The following SAMMSON variants were observed in gnomAD, a reference collection of about 807,000 sequenced individuals.
SAMMSON encodes the protein long intergenic non-protein coding RNA 1212.
At chr3:70,315,810 C>G (rs1282813260) in intron 7 of SAMMSON, among the ~76,000 whole-genome samples, 2 of 151,910 alleles carry the variant, frequency 1.3e-5, no homozygotes, top group East Asian at 3.9e-4. Context: ...GAGACCCAAC[C>G]AAACGCTCAA....
At chr3:70,218,159 T>C (rs887414337) in intron 4 of SAMMSON, among the ~76,000 whole-genome samples, 4 of 152,294 alleles carry the variant, frequency 2.6e-5, no homozygotes, top group African/African-American at 7.2e-5. Flanking sequence ...AGCCCAGTGG[T>C]CTCCAAAGTG....
chr3:70,209,489 T>G (rs1215006298), intron 4 of SAMMSON, among the ~76,000 whole-genome samples: 1 of 152,044 alleles, frequency 6.6e-6, no homozygotes, highest in African/African-American at 2.4e-5. Context: ...GTAGATATTG[T>G]TAGCCTCCTT....
chr3:70,015,059 T>C (rs1280589858), intron 3 of SAMMSON: 4 of 152,070 alleles, frequency 2.6e-5, no homozygotes, highest in Non-Finnish European at 5.9e-5. Flanking sequence ...GGCGGGCGGA[T>C]CACTAGGTCA....
At position 70,011,001 on chromosome 3, in the gene SAMMSON, C is replaced by T. The variant is rs140936022; in HGVS notation, n.23-1356C>T. Among the ~76,000 whole-genome samples the T allele has an allele frequency of 2.1e-3, 313 of 152,202 alleles. 2 individuals carry two copies. Among genetic ancestry groups the T allele is most frequent in the African/African-American group, 7.3e-3 (303 of 41,506 alleles). ...TACCTTCACCTGGTTCCAACCTTGA[C>T]TCATGGGGATTGTAGGGATTACAAT... On this transcript the variant is annotated intron_variant and non_coding_transcript_variant, in intron 1 of 9. Transcript: ENST00000642114.
intron 4 of SAMMSON, among the ~76,000 whole-genome samples, chr3:70,105,447 T>C (rs987456923): frequency 5.3e-5 from 8 of 152,164 alleles, no homozygotes; most frequent in African/African-American, 1.9e-4. Flanking sequence ...ATTTGAGGGC[T>C]AGGGGCCCCT....
chr3:70,001,267 A>G (rs2066904669), intron 1 of SAMMSON, among the ~76,000 whole-genome samples: 1 of 152,156 alleles, frequency 6.6e-6, no homozygotes, highest in Non-Finnish European at 1.5e-5. Context: ...GTCTGTCTCT[A>G]GTATCCCTCT....
chr3:70,368,367 A>G (rs1182900845), intron 9 of SAMMSON, among the ~76,000 whole-genome samples: 1 of 151,674 alleles, frequency 6.6e-6, no homozygotes, highest in Non-Finnish European at 1.5e-5. Context: ...GATGTCAATT[A>G]AGTTAAAATG....
intron 7 of SAMMSON, among the ~76,000 whole-genome samples, chr3:70,313,201 C>T (rs560295982): frequency 2.6e-5 from 4 of 152,248 alleles, no homozygotes; most frequent in South Asian, 2.1e-4. Context: ...TGGTGGCTCA[C>T]GCCTGTAATC....
rs546432715 is a variant in SAMMSON, at chr3:70,123,479, A to G, written n.507+51914A>G. 1.2e-4 allele frequency among the ~76,000 whole-genome samples: 19 copies of G among 152,324 alleles called. No homozygotes were observed. The South Asian group carries it at 3.9e-3, about 32-fold the overall frequency. ...AAGACAAGGTTTTGCCATGTTGACC[A>G]GGCTGGTCTCGAACTCCTGAGCTGA... On this transcript the variant is annotated intron_variant and non_coding_transcript_variant, in intron 4 of 9. Transcript: ENST00000642114.
At chr3:70,149,371 T>C (rs1377429348) in intron 4 of SAMMSON, among the ~76,000 whole-genome samples, 2 of 152,058 alleles carry the variant, frequency 1.3e-5, no homozygotes, top group Admixed American at 6.6e-5. Context: ...CTACAGTTAG[T>C]AGTGGCTTAG....
At chr3:70,268,342 G>T (rs1050786636) in intron 6 of SAMMSON, among the ~76,000 whole-genome samples, 9 of 152,244 alleles carry the variant, frequency 5.9e-5, no homozygotes, top group South Asian at 2.1e-4. Context: ...AGGCGTGGTT[G>T]TGTGCACCTG....
chr3:70,105,028 T>C lies in SAMMSON; in HGVS notation n.507+33463T>C, dbSNP rs545978157. Among the ~76,000 whole-genome samples the C allele has an allele frequency of 1.2e-4, 19 of 152,252 alleles. No individual in the cohort carries two copies. In the South Asian group the frequency reaches 3.5e-3, roughly 28 times the overall value. ...TTGGGAAAGGAAACAGAAATATGCCTAAGCCAAGCACCCTTTCTCAAGGAT... is the reference window on the plus strand; with the variant it reads ...TTGGGAAAGGAAACAGAAATATGCCCAAGCCAAGCACCCTTTCTCAAGGAT... On this transcript the variant is annotated intron_variant and non_coding_transcript_variant, in intron 4 of 9. Transcript: ENST00000642114.
intron 2 of SAMMSON, among the ~76,000 whole-genome samples, chr3:70,417,194 AC>A (rs1701270870): frequency 6.6e-6 from 1 of 151,970 alleles, no homozygotes; most frequent in Non-Finnish European, 1.5e-5. Flanking sequence ...AGAGTATTTT[AC>A]CCCTTTACCA....
intron 9 of SAMMSON, among the ~76,000 whole-genome samples, chr3:70,367,635 A>T (rs1343087755): frequency 1.3e-5 from 2 of 151,670 alleles, no homozygotes; most frequent in Non-Finnish European, 3.0e-5. Context: ...GTTGATGAAC[A>T]TTTAGGTGGA....
intron 4 of SAMMSON, among the ~76,000 whole-genome samples, chr3:70,190,428 C>T (rs924619826): frequency 6.6e-6 from 1 of 152,170 alleles, no homozygotes; most frequent in African/African-American, 2.4e-5. Flanking sequence ...TTCATCTGCT[C>T]CTTAATAAAT....
intron 7 of SAMMSON, chr3:70,292,084 T>C (rs1356085240): frequency 6.6e-6 from 1 of 152,194 alleles, no homozygotes; most frequent in Non-Finnish European, 1.5e-5. Flanking sequence ...CCTTTATGAA[T>C]ACTTTATGTA....
intron 9 of SAMMSON, among the ~76,000 whole-genome samples, chr3:70,372,423 T>C (rs964080552): frequency 6.6e-6 from 1 of 152,140 alleles, no homozygotes; most frequent in Non-Finnish European, 1.5e-5. Context: ...GTGATTCTGC[T>C]GCCTCGGCCT....
At chr3:70,143,272 A>C (rs1201367830) in intron 4 of SAMMSON, among the ~76,000 whole-genome samples, 2 of 150,942 alleles carry the variant, frequency 1.3e-5, no homozygotes, top group East Asian at 4.0e-4. Context: ...AACTGGCACT[A>C]GGAGAATCAA....
chr3:70,295,834 T>A (rs1702284835), intron 7 of SAMMSON, among the ~76,000 whole-genome samples: 1 of 152,340 alleles, frequency 6.6e-6, no homozygotes, highest in African/African-American at 2.4e-5. Context: ...TAATACCTTA[T>A]TTTTTATGAA....
Sources: gnomAD v4.1 joint callset for allele counts (sites outside exome capture counted in the v4.1 genomes callset) on GRCh38, gnomAD v4.1.1 for gene constraint, MANE v1.5 for transcripts, NCBI Gene and HGNC (gene_info 2026-07-23, HGNC 2026-07-21) for gene names.